CHN2: variants seen among roughly 807,000 people sequenced by gnomAD.
The protein encoded by CHN2 is beta-chimaerin.
A neutral mutation model predicts 56.3 loss-of-function variants in CHN2; 35 were observed. That is an observed-to-expected ratio of 0.62 (90% confidence interval 0.47 to 0.82). The LOEUF is 0.82. CHN2 is among the 40% of genes least tolerant of loss of function. The pLI, the probability that CHN2 is intolerant of heterozygous loss-of-function variation, is 0.00. For missense variants in CHN2, 491 were observed against 580.5 expected (o/e 0.85, Z 1.58); for synonymous variants, 210 against 212.8 (o/e 0.99, Z 0.12).
intron 1 of CHN2, among the ~76,000 whole-genome samples, chr7:29,219,170 A>G (rs943160520): frequency 1.3e-5 from 2 of 152,168 alleles, no homozygotes; most frequent in African/African-American, 4.8e-5. Flanking sequence ...AGGCCAAATT[A>G]TACTCATGTG....
At chr7:29,146,972 C>G in intron 2 of CHN2, 8 of 1,550,906 alleles carry the variant, frequency 5.2e-6, no homozygotes, top group Non-Finnish European at 7.0e-6. Flanking sequence ...TAAGCTCGCA[C>G]CAAGTGCCAC....
At chr7:29,279,307 G>A (rs76200193) in intron 1 of CHN2, among the ~76,000 whole-genome samples, 2,344 of 152,288 alleles carry the variant, frequency 0.015, 65 homozygotes, top group African/African-American at 0.054. Flanking sequence ...CATCCCTCAC[G>A]CGGCAGCTGT....
At chr7:29,498,810 G>A (rs908778344) in intron 8 of CHN2, among the ~76,000 whole-genome samples, 1 of 137,210 alleles carries the variant, frequency 7.3e-6, no homozygotes, top group Admixed American at 8.0e-5. Context: ...TCACCAGGCT[G>A]GAGTGCGGTG....
chr7:29,283,650 G>C (rs1360282812), intron 1 of CHN2, among the ~76,000 whole-genome samples: 1 of 152,010 alleles, frequency 6.6e-6, no homozygotes, highest in Non-Finnish European at 1.5e-5. Flanking sequence ...ATGGAGTCTT[G>C]CTCTGTTGCC....
Position 29,436,162 on chromosome 7 carries a change from A to T in CHN2, c.576+35334A>T, listed in dbSNP as rs116573404. Among the ~76,000 whole-genome samples, 527 of 152,114 alleles carry T rather than the reference A, an allele frequency of 3.5e-3. 5 individuals carry two copies. The highest frequency in any genetic ancestry group is 0.012 in the African/African-American group (480 of 41,478). On this transcript the variant is annotated intron_variant, in intron 6 of 12. Transcript: ENST00000222792. ...CTTTGAATTCCCTCCAGCCCTGGGGATCTCCTGAAAGGGCATATTCTGATT... is the reference window on the plus strand; with the variant it reads ...CTTTGAATTCCCTCCAGCCCTGGGGTTCTCCTGAAAGGGCATATTCTGATT...
At chr7:29,328,567 A>G (rs1338205842) in intron 1 of CHN2, among the ~76,000 whole-genome samples, 1 of 152,070 alleles carries the variant, frequency 6.6e-6, no homozygotes, top group Admixed American at 6.5e-5. Flanking sequence ...TTTATTTTGT[A>G]TATTATAACT....
At chr7:29,210,451 C>T (rs1164141396) in intron 1 of CHN2, among the ~76,000 whole-genome samples, 2 of 151,984 alleles carry the variant, frequency 1.3e-5, no homozygotes, top group African/African-American at 2.4e-5. Context: ...CGTGCACACA[C>T]CAATACTTCA....
chr7:29,467,473 T>C (rs1372310269), intron 6 of CHN2, among the ~76,000 whole-genome samples: 1 of 152,322 alleles, frequency 6.6e-6, no homozygotes, highest in East Asian at 1.9e-4. Flanking sequence ...ACCTGACTTT[T>C]TGTCCTGACT....
intron 1 of CHN2, among the ~76,000 whole-genome samples, chr7:29,323,121 C>A (rs1486586430): frequency 6.6e-6 from 1 of 152,168 alleles, no homozygotes; most frequent in African/African-American, 2.4e-5. Context: ...TGCCACTGCA[C>A]TCCAGCCTGG....
At chr7:29,386,100 C>G (rs1800894667) in intron 3 of CHN2, among the ~76,000 whole-genome samples, 2 of 152,134 alleles carry the variant, frequency 1.3e-5, no homozygotes, top group African/African-American at 4.8e-5. Context: ...TAAAGAAATG[C>G]CATGAGGAAA....
At chr7:29,342,600 C>T (rs1005956124) in intron 1 of CHN2, among the ~76,000 whole-genome samples, 10 of 152,172 alleles carry the variant, frequency 6.6e-5, no homozygotes, top group African/African-American at 2.4e-4. Context: ...GGAGAAAATG[C>T]TGGCTCTTCT....
intron 7 of CHN2, among the ~76,000 whole-genome samples, chr7:29,487,232 T>C (rs1304070246): frequency 6.6e-6 from 1 of 152,076 alleles, no homozygotes; most frequent in Non-Finnish European, 1.5e-5. Context: ...TTTGTTTTGT[T>C]TTGTTTTTTA....
chr7:29,190,906 T>A (rs1055796808), upstream of CHN2, among the ~76,000 whole-genome samples: 3 of 151,412 alleles, frequency 2.0e-5, no homozygotes, highest in African/African-American at 7.3e-5. Context: ...ATACAGGGGC[T>A]GGGCAAACAA....
chr7:29,163,533 G>A (rs890909034), intron 2 of CHN2, among the ~76,000 whole-genome samples: 2 of 151,978 alleles, frequency 1.3e-5, no homozygotes, highest in Non-Finnish European at 2.9e-5. Flanking sequence ...TATTACCTAA[G>A]AGACAATATC....
chr7:29,424,924 G>A (rs1804705550), intron 6 of CHN2, among the ~76,000 whole-genome samples: 1 of 152,208 alleles, frequency 6.6e-6, no homozygotes, highest in Admixed American at 6.5e-5. Flanking sequence ...TGACAAAGCT[G>A]CATCCTGGAG....
chr7:29,148,857 TGTG>T (rs1793149160), intron 2 of CHN2, among the ~76,000 whole-genome samples: 1 of 151,666 alleles, frequency 6.6e-6, no homozygotes, highest in Admixed American at 6.6e-5. Flanking sequence ...AAAGTGTGTG[TGTG>T]GGGGAACAGA....
chr7:29,267,903 A>G (rs1790275566), intron 1 of CHN2, among the ~76,000 whole-genome samples: 1 of 152,208 alleles, frequency 6.6e-6, no homozygotes, highest in South Asian at 2.1e-4. Flanking sequence ...CTTCTTGCTG[A>G]TAACAGTAAT....
At chr7:29,260,282 A>G (rs245982) in intron 1 of CHN2, among the ~76,000 whole-genome samples, 4 of 152,128 alleles carry the variant, frequency 2.6e-5, no homozygotes, top group South Asian at 2.1e-4. Context: ...TGGATCTTCT[A>G]TCTAACTTCG....
At chr7:29,338,508 C>T (rs1796798169) in intron 1 of CHN2, among the ~76,000 whole-genome samples, 1 of 152,194 alleles carries the variant, frequency 6.6e-6, no homozygotes, top group African/African-American at 2.4e-5. Context: ...TCTGGGCAAC[C>T]TCACTATTCC....
Sources: allele counts gnomAD v4.1 joint callset (sites outside exome capture counted in the v4.1 genomes callset), GRCh38; gene constraint gnomAD v4.1.1; transcripts MANE v1.5; gene names NCBI Gene and HGNC (gene_info 2026-07-23, HGNC 2026-07-21).